The following COA1 variants were observed in gnomAD, a reference collection of about 807,000 sequenced individuals.
COA1 encodes the protein cytochrome c oxidase assembly factor 1.
A neutral mutation model predicts 16.0 loss-of-function variants in COA1; 13 were observed. The ratio of observed to expected loss-of-function variants is 0.81; its 90% CI spans 0.53 to 1.29. The LOEUF is 1.29. Ranked by LOEUF, COA1 falls within the 50% of genes most tolerant of loss-of-function variation. The probability of loss-of-function intolerance (pLI) is 0.00; values close to 1 mark genes in which losing one functional copy is unlikely to be tolerated. For missense variants in COA1, 179 were observed against 177.0 expected (o/e 1.01, Z -0.06); for synonymous variants, 65 against 65.7 (o/e 0.99, Z 0.05).
intron 1 of COA1, among the ~76,000 whole-genome samples, chr7:43,722,178 C>T (rs949438745): frequency 2.0e-5 from 3 of 151,644 alleles, no homozygotes; most frequent in African/African-American, 7.3e-5. Context: ...ACAGCCTCGA[C>T]CTCCCAGACT....
chr7:43,691,763 G>A (rs2094379980), intron 1 of COA1, among the ~76,000 whole-genome samples: 1 of 152,208 alleles, frequency 6.6e-6, no homozygotes, highest in African/African-American at 2.4e-5. Context: ...TGAAACCAAG[G>A]TAGAGCCCAA....
intron 1 of COA1, among the ~76,000 whole-genome samples, chr7:43,669,976 A>C (rs534224451): frequency 1.3e-5 from 2 of 152,280 alleles, no homozygotes; most frequent in East Asian, 3.9e-4. Context: ...GCTGAGGTTA[A>C]GTACCAAATA....
chr7:43,651,570 C>T (rs576777719), intron 1 of COA1, among the ~76,000 whole-genome samples: 2 of 151,598 alleles, frequency 1.3e-5, no homozygotes, highest in Admixed American at 6.6e-5. Flanking sequence ...CATCACCAGG[C>T]GGATCAACAG....
chr7:43,693,453 G>A (rs142540183), intron 1 of COA1, among the ~76,000 whole-genome samples: 622 of 151,990 alleles, frequency 4.1e-3, no homozygotes, highest in Non-Finnish European at 7.6e-3. Context: ...ACTTGACCTC[G>A]GCGGTTCATT....
rs544960512 is a variant in COA1, at chr7:43,644,410, T to C, written c.264+841A>G. Among the ~76,000 whole-genome samples, 3 of 152,238 alleles carry C rather than the reference T, an allele frequency of 2.0e-5. No individual in the cohort carries two copies. The South Asian group carries it at 6.2e-4, about 32-fold the overall frequency. On this transcript the variant is annotated intron_variant, in intron 4 of 5. Transcript: ENST00000223336. ...TGATCAAGTACAAAAAGATAAGTTA[T>C]AGCTAAAAAAATGGGTTGGTATTCT...
At chr7:43,726,166 T>A (rs1310009288) in intron 1 of COA1, among the ~76,000 whole-genome samples, 1 of 151,936 alleles carries the variant, frequency 6.6e-6, no homozygotes, top group Non-Finnish European at 1.5e-5. Flanking sequence ...CTTCTTGGAG[T>A]CTGTTTAAAA....
chr7:43,721,666 T>C (rs2095506975), intron 1 of COA1, among the ~76,000 whole-genome samples: 1 of 152,150 alleles, frequency 6.6e-6, no homozygotes, highest in African/African-American at 2.4e-5. Context: ...GAGATAGCAC[T>C]AGGGAGTTTT....
At chr7:43,623,464 A>C in intron 6 of COA1, 1 of 849,286 alleles carries the variant, frequency 1.2e-6, no homozygotes, top group African/African-American at 1.7e-5. Context: ...TTTAGCCCAA[A>C]CGTTGGATAG....
chr7:43,632,304 T>C (rs972674501), intron 6 of COA1: 2 of 153,032 alleles, frequency 1.3e-5, no homozygotes, highest in African/African-American at 2.4e-5. Flanking sequence ...GTCACATCTC[T>C]AGGCCCCTCC....
chr7:43,638,924 A>G (rs958223590), downstream of COA1: 2 of 152,312 alleles, frequency 1.3e-5, no homozygotes, highest in African/African-American at 4.8e-5. Context: ...CTTTATATGT[A>G]TATGTACACA....
At chr7:43,664,597 A>G (rs538705890) in intron 1 of COA1, among the ~76,000 whole-genome samples, 1 of 152,316 alleles carries the variant, frequency 6.6e-6, no homozygotes, top group East Asian at 1.9e-4. Context: ...ATATTGTTCT[A>G]AATTTATGAA....
chr7:43,681,902 A>G (rs1388044045), intron 1 of COA1, among the ~76,000 whole-genome samples: 1 of 152,236 alleles, frequency 6.6e-6, no homozygotes, highest in African/African-American at 2.4e-5. Flanking sequence ...ATCTACTGCT[A>G]CATCACATCC....
At chr7:43,698,388 G>C (rs942846282) in intron 1 of COA1, among the ~76,000 whole-genome samples, 2 of 152,154 alleles carry the variant, frequency 1.3e-5, no homozygotes, top group African/African-American at 4.8e-5. Context: ...ACAATTTACA[G>C]ATGCAGAGGT....
intron 1 of COA1, among the ~76,000 whole-genome samples, chr7:43,685,439 T>C (rs1208678222): frequency 6.6e-6 from 1 of 152,314 alleles, no homozygotes; most frequent in Middle Eastern, 3.4e-3. Flanking sequence ...TATCAACAAT[T>C]TTCTCATATC....
At chr7:43,685,914 TAATA>T (rs1432987507) in intron 1 of COA1, among the ~76,000 whole-genome samples, 1 of 152,190 alleles carries the variant, frequency 6.6e-6, no homozygotes, top group Non-Finnish European at 1.5e-5. Context: ...TTGCTAAAAA[TAATA>T]AATCACTATC....
chr7:43,699,152 C>T (rs1455745178), intron 1 of COA1, among the ~76,000 whole-genome samples: 1 of 151,960 alleles, frequency 6.6e-6, no homozygotes, highest in African/African-American at 2.4e-5. Context: ...TTGAGACACT[C>T]GTAAAAGAAC....
At chr7:43,639,730 A>C in intron 5 of COA1, 49 bp from the exon 6 acceptor site, 1 of 1,443,816 alleles carries the variant, frequency 6.9e-7, no homozygotes, top group Non-Finnish European at 9.7e-7. Context: ...AGGCTGAGGC[A>C]ACAGCCGTAG....
intron 1 of COA1, among the ~76,000 whole-genome samples, chr7:43,704,472 T>C (rs2131503376): frequency 1.3e-5 from 2 of 152,344 alleles, no homozygotes; most frequent in South Asian, 4.1e-4. Flanking sequence ...AGGTTTGGTC[T>C]CTTTACATAA....
At chr7:43,667,069 G>T (rs554626626) in intron 1 of COA1, among the ~76,000 whole-genome samples, 3 of 152,292 alleles carry the variant, frequency 2.0e-5, no homozygotes, top group East Asian at 1.9e-4. Flanking sequence ...ACAAATTGGG[G>T]TTAACATTAA....
Sources: gnomAD v4.1 joint callset for allele counts (sites outside exome capture counted in the v4.1 genomes callset) on GRCh38, gnomAD v4.1.1 for gene constraint, MANE v1.5 for transcripts, NCBI Gene and HGNC (gene_info 2026-07-23, HGNC 2026-07-21) for gene names.